Variants in VGLL4 observed in about 807,000 individuals in gnomAD.
The protein encoded by VGLL4 is vestigial like family member 4.
Under a neutral mutation model 21.0 loss-of-function variants are expected in VGLL4, and 7 were observed. The ratio of observed to expected loss-of-function variants is 0.33; its 90% CI spans 0.19 to 0.63. The LOEUF (loss-of-function observed/expected upper bound fraction) is 0.63, where lower values mean the gene tolerates loss of function less well. Among genes scored for constraint, VGLL4 ranks in the 20% least tolerant of loss-of-function variants. The pLI, the probability that VGLL4 is intolerant of heterozygous loss-of-function variation, is 0.78. For missense variants in VGLL4, 394 were observed against 425.7 expected (o/e 0.93, Z 0.66); for synonymous variants, 222 against 173.2 (o/e 1.28, Z -2.21).
intron 2 of VGLL4, among the ~76,000 whole-genome samples, chr3:11,587,401 G>A (rs1202369330): frequency 1.3e-5 from 2 of 152,228 alleles, no homozygotes; most frequent in Non-Finnish European, 1.5e-5. Context: ...ATCACTGGAC[G>A]TAACTTGCTC....
At chr3:11,648,881 G>C (rs576296839), upstream of VGLL4, among the ~76,000 whole-genome samples, 3 of 152,324 alleles carry the variant, frequency 2.0e-5, no homozygotes, top group East Asian at 5.8e-4. Flanking sequence ...TCTTGCTGGT[G>C]AAACAGGATG....
At chr3:11,702,828 A>G in intron 2 of VGLL4, 2 of 534,858 alleles carry the variant, frequency 3.7e-6, no homozygotes, top group Non-Finnish European at 6.1e-6. Flanking sequence ...GAGGATGTGA[A>G]GCTGTTATCT....
At chr3:11,647,843 C>T (rs547352181), upstream of VGLL4, among the ~76,000 whole-genome samples, 45 of 152,282 alleles carry the variant, frequency 3.0e-4, no homozygotes, top group South Asian at 8.1e-3. Flanking sequence ...TTCTTCATTT[C>T]CCCATCCCTA....
intron 2 of VGLL4, among the ~76,000 whole-genome samples, chr3:11,661,506 T>C (rs2076038612): frequency 6.6e-6 from 1 of 152,052 alleles, no homozygotes; most frequent in Non-Finnish European, 1.5e-5. Context: ...AGTCTTATTC[T>C]ATTGCCCAGG....
chr3:11,621,727 C>T (rs888748712), intron 1 of VGLL4, among the ~76,000 whole-genome samples: 5 of 152,148 alleles, frequency 3.3e-5, no homozygotes, highest in African/African-American at 9.7e-5. Flanking sequence ...TTTAACATTT[C>T]GAGCAACTGC....
chr3:11,687,817 T>C (rs2076473841), intron 2 of VGLL4, among the ~76,000 whole-genome samples: 1 of 152,202 alleles, frequency 6.6e-6, no homozygotes, highest in African/African-American at 2.4e-5. Context: ...AGTTTTTATA[T>C]ATCCCTTTTT....
Position 11,610,058 on chromosome 3 carries a change from C to T in VGLL4, c.83-8036G>A, listed in dbSNP as rs182434476. Among the ~76,000 whole-genome samples, 6 of 152,264 alleles carry T rather than the reference C, an allele frequency of 3.9e-5. No homozygotes were observed. In the East Asian group the frequency reaches 9.7e-4, roughly 25 times the overall value. On this transcript the variant is annotated intron_variant, in intron 1 of 4. Transcript: ENST00000430365. ...AAATCAAAGAAGCAAAACCATAGCT[C>T]GGTCGGCCAAGCCAGCCGCGCTGCA...
chr3:11,558,891 C>T, intron 4 of VGLL4, 64 bp from the exon 5 acceptor site: 2 of 1,568,776 alleles, frequency 1.3e-6, no homozygotes, highest in Non-Finnish European at 8.7e-7. Flanking sequence ...GGCACGGTTG[C>T]AGCACCCTCC....
chr3:11,695,803 C>T (rs1300414111), intron 2 of VGLL4, among the ~76,000 whole-genome samples: 1 of 152,116 alleles, frequency 6.6e-6, no homozygotes, highest in Non-Finnish European at 1.5e-5. Context: ...GCACGGCACA[C>T]CCCTCTGGTA....
At chr3:11,714,419 G>A (rs1467363421) in intron 1 of VGLL4, among the ~76,000 whole-genome samples, 1 of 152,054 alleles carries the variant, frequency 6.6e-6, no homozygotes, top group Non-Finnish European at 1.5e-5. Context: ...GGCCAGGCAC[G>A]GTGGCTCACA....
intron 2 of VGLL4, chr3:11,699,769 T>C (rs2076653412): frequency 6.6e-6 from 1 of 152,060 alleles, no homozygotes; most frequent in African/African-American, 2.4e-5. Context: ...GCTGAGATCA[T>C]GCTATTGCAC....
chr3:11,632,527 C>T (rs887629004), intron 1 of VGLL4, among the ~76,000 whole-genome samples: 1 of 152,170 alleles, frequency 6.6e-6, no homozygotes, highest in South Asian at 2.1e-4. Context: ...AAAAATCCCA[C>T]ACTCCTAAGA....
intron 1 of VGLL4, among the ~76,000 whole-genome samples, chr3:11,637,634 A>G (rs950517764): frequency 6.6e-6 from 1 of 152,260 alleles, no homozygotes; most frequent in Non-Finnish European, 1.5e-5. Context: ...AATTAAAACA[A>G]TCAACAGAAT....
chr3:11,584,359 A>C (rs1415755311), intron 2 of VGLL4, among the ~76,000 whole-genome samples: 2 of 152,074 alleles, frequency 1.3e-5, no homozygotes, highest in African/African-American at 4.8e-5. Context: ...CAAACAAAAA[A>C]ACACACAATA....
At chr3:11,684,006 T>C (rs2076411504) in intron 2 of VGLL4, among the ~76,000 whole-genome samples, 1 of 151,900 alleles carries the variant, frequency 6.6e-6, no homozygotes, top group Non-Finnish European at 1.5e-5. Flanking sequence ...AGGTTAGGAG[T>C]TCGAGGCCAG....
Position 11,568,957 on chromosome 3 carries a change from G to C in VGLL4, c.273-3938C>G. 8.4e-7 allele frequency: 1 copy of C among 1,196,610 alleles called. No homozygotes were observed. The highest frequency in any genetic ancestry group is 1.0e-6 in the Non-Finnish European group (1 of 957,226). The allele number at this position is 1,196,610 out of a possible 1,614,324, so 74.1% of individuals were successfully genotyped here. ...CCAGCTGCCCACGGAGAGAAAGATG[G>C]AAAGAGGAGGGAGGGAAAGAGAGGC... On this transcript the variant is annotated intron_variant, in intron 2 of 4. Coordinates refer to ENST00000430365, the MANE Select transcript of VGLL4 (RefSeq NM_001128219.3). This position sits in a 1 kb window ranked among gnomAD's most constrained non-coding sequence, Gnocchi z 5.9.
chr3:11,566,224 G>A (rs1472480967), intron 2 of VGLL4, among the ~76,000 whole-genome samples: 10 of 151,570 alleles, frequency 6.6e-5, no homozygotes, highest in East Asian at 3.9e-4. Flanking sequence ...TTACACACAC[G>A]CACACCACAC....
At position 11,641,360 on chromosome 3, in the gene VGLL4, A is replaced by T. The variant is rs571001386; in HGVS notation, c.82+2077T>A. Reference sequence around the variant, plus strand: ...CAACAGTACATTCCATTTTCCAAACAACTTCCCTGGAATGCTGGGGAGCTG... The same window carrying T: ...CAACAGTACATTCCATTTTCCAAACTACTTCCCTGGAATGCTGGGGAGCTG... On this transcript the variant is annotated intron_variant, in intron 1 of 4. Transcript: ENST00000430365. 2.0e-5 allele frequency among the ~76,000 whole-genome samples: 3 copies of T among 152,322 alleles called. No homozygotes were observed. In the East Asian group the frequency reaches 5.8e-4, roughly 29 times the overall value.
upstream of VGLL4, among the ~76,000 whole-genome samples, chr3:11,647,742 C>CAGTCTGGCAGA (rs66470610): frequency 3.3e-5 from 5 of 151,724 alleles, no homozygotes; most frequent in East Asian, 5.8e-4. Context: ...TTTTCGAGGT[C>CAGTCTGGCAGA]AGTCTGGCAG....
Sources: gnomAD v4.1 joint callset for allele counts (sites outside exome capture counted in the v4.1 genomes callset) on GRCh38, gnomAD v4.1.1 for gene constraint, Gnocchi (gnomAD v3.1) non-coding constraint, MANE v1.5 for transcripts, NCBI Gene and HGNC (gene_info 2026-07-23, HGNC 2026-07-21) for gene names.